CLSTN2: variants seen among roughly 807,000 people sequenced by gnomAD.
CLSTN2 encodes calsyntenin 2.
CLSTN2 carries 48 observed loss-of-function variants against 101.2 expected under a neutral mutation model. That is an observed-to-expected ratio of 0.47 (90% CI 0.38 to 0.60). The LOEUF (loss-of-function observed/expected upper bound fraction) is 0.60. CLSTN2 is among the 20% of genes least tolerant of loss of function. The probability of loss-of-function intolerance (pLI) is 0.00; values close to 1 mark genes in which losing one functional copy is unlikely to be tolerated. For missense variants in CLSTN2, 1,160 were observed against 1,238.2 expected (o/e 0.94, Z 0.95); for synonymous variants, 481 against 463.6 (o/e 1.04, Z -0.48).
At chr3:140,380,701 A>G (rs1427999879) in intron 2 of CLSTN2, among the ~76,000 whole-genome samples, 1 of 152,122 alleles carries the variant, frequency 6.6e-6, no homozygotes, top group African/African-American at 2.4e-5. Context: ...CTCCTCACTC[A>G]TTCAGTAAGC....
intron 1 of CLSTN2, among the ~76,000 whole-genome samples, chr3:140,007,740 C>T (rs1465283012): frequency 1.3e-5 from 2 of 152,162 alleles, no homozygotes; most frequent in Non-Finnish European, 2.9e-5. Context: ...TAAGTACGCT[C>T]CTTGTGTTTG....
intron 9 of CLSTN2, among the ~76,000 whole-genome samples, chr3:140,544,084 A>G (rs896954562): frequency 2.0e-5 from 3 of 152,234 alleles, no homozygotes; most frequent in Admixed American, 6.5e-5. Context: ...CTCTGCTGAT[A>G]TTCAAATCAA....
At chr3:140,135,327 C>T (rs1267316466) in intron 1 of CLSTN2, among the ~76,000 whole-genome samples, 5 of 151,880 alleles carry the variant, frequency 3.3e-5, no homozygotes, top group Non-Finnish European at 5.9e-5. Flanking sequence ...AACACCCTCT[C>T]CCTCTGTTGT....
At chr3:140,381,319 AC>A (rs1469399229) in intron 2 of CLSTN2, among the ~76,000 whole-genome samples, 1 of 151,920 alleles carries the variant, frequency 6.6e-6, no homozygotes, top group Non-Finnish European at 1.5e-5. Flanking sequence ...TAACCTGATT[AC>A]CCCCTATACC....
At chr3:140,121,451 G>C (rs1288550056) in intron 1 of CLSTN2, among the ~76,000 whole-genome samples, 1 of 152,192 alleles carries the variant, frequency 6.6e-6, no homozygotes, top group African/African-American at 2.4e-5. Flanking sequence ...GCATAGAGTA[G>C]ATCTAGAGGT....
intron 9 of CLSTN2, among the ~76,000 whole-genome samples, chr3:140,546,232 C>A (rs61087365): frequency 4.6e-5 from 7 of 152,110 alleles, no homozygotes; most frequent in Admixed American, 3.9e-4. Context: ...TTTTCACTCA[C>A]GAGAGCCCTC....
At chr3:140,192,475 C>T (rs2010581832) in intron 2 of CLSTN2, among the ~76,000 whole-genome samples, 1 of 151,760 alleles carries the variant, frequency 6.6e-6, no homozygotes, top group African/African-American at 2.4e-5. Context: ...TTTTGCAGCT[C>T]TGTTGTTTAG....
rs1985757230 is a variant in CLSTN2, at chr3:140,577,189, C to T, written c.*10936C>T. On this transcript the variant is annotated 3_prime_UTR_variant, in exon 17 of 17. Transcript: ENST00000458420. ...TTGGGCTTCTCCCCATGACTGTGAT[C>T]TTACCCATGTTTGAATCACAAACTT... The T allele has an allele frequency of 6.6e-6, 1 of 152,190 alleles. No individual in the cohort carries two copies. Among genetic ancestry groups the T allele is most frequent in the African/African-American group, 2.4e-5 (1 of 41,436 alleles). The allele number at this position is 152,190 out of a possible 1,614,324, so 9.4% of individuals were successfully genotyped here. A position where few individuals can be genotyped will look rare whatever the true frequency, so the allele number is the denominator to read the frequency against.
At position 140,563,130 on chromosome 3, in the gene CLSTN2, T is replaced by A. The variant is rs201356149; in HGVS notation, c.2409T>A (p.His803Gln). Residue 803 changes from histidine to glutamine, a missense_variant, in exon 15 of 17, where the codon CAT (histidine) becomes CAA (glutamine). His to Gln is a conservative substitution (Grantham distance 24). Transcript: ENST00000458420. ...DQVSDKEHVN[H>Q]LIVQPPFLQS... The stretch of plus-strand genomic sequence containing the variant: ...TCTCAGATAAGGAGCATGTCAATCA[T>A]CTGATTGTGCAGCCTCCCTTCCTCC... The A allele has an allele frequency of 4.0e-5, 65 of 1,614,072 alleles. No individual in the cohort carries two copies. Among genetic ancestry groups the A allele is most frequent in the Middle Eastern group, 1.6e-4 (1 of 6,062 alleles).
At chr3:140,398,883 C>T (rs1295114525) in intron 2 of CLSTN2, among the ~76,000 whole-genome samples, 2 of 152,226 alleles carry the variant, frequency 1.3e-5, no homozygotes, top group East Asian at 3.8e-4. Context: ...CTGCTGGTGT[C>T]TTTCTGCTGA....
chr3:140,510,151 G>C (rs533533075), intron 8 of CLSTN2, among the ~76,000 whole-genome samples: 3 of 152,106 alleles, frequency 2.0e-5, no homozygotes, highest in Non-Finnish European at 4.4e-5. Context: ...AAAAACAATG[G>C]TTATATTAGT....
chr3:140,228,638 A>AC (rs1203026694), intron 2 of CLSTN2, among the ~76,000 whole-genome samples: 1 of 152,208 alleles, frequency 6.6e-6, no homozygotes, highest in African/African-American at 2.4e-5. Context: ...TATACCAGAG[A>AC]CTGGGCAATT....
At chr3:139,943,218 A>G (rs1187462302) in intron 1 of CLSTN2, among the ~76,000 whole-genome samples, 1 of 151,850 alleles carries the variant, frequency 6.6e-6, no homozygotes, top group Non-Finnish European at 1.5e-5. Context: ...AAATATCACA[A>G]CCCATCCTTC....
intron 2 of CLSTN2, among the ~76,000 whole-genome samples, chr3:140,358,155 C>A (rs1034055339): frequency 1.3e-5 from 2 of 152,140 alleles, no homozygotes; most frequent in Non-Finnish European, 2.9e-5. Flanking sequence ...ACTTGGAATT[C>A]TGTGAATCCT....
chr3:140,176,934 C>A (rs1340227604), intron 2 of CLSTN2, among the ~76,000 whole-genome samples: 1 of 152,152 alleles, frequency 6.6e-6, no homozygotes, highest in Non-Finnish European at 1.5e-5. Context: ...CTATTTTTTT[C>A]TGACAGTTTG....
chr3:140,157,347 G>T lies in CLSTN2; in HGVS notation c.110-18604G>T, dbSNP rs140912801. On this transcript the variant is annotated intron_variant, in intron 1 of 16. Transcript: ENST00000458420. ...TTCTTCATATGTCTGGTAGAATTCAGCTGTGAATCCATCTGGTCTGCGGAT... is the reference window on the plus strand; with the variant it reads ...TTCTTCATATGTCTGGTAGAATTCATCTGTGAATCCATCTGGTCTGCGGAT... 9.4e-3 allele frequency among the ~76,000 whole-genome samples: 1,434 copies of T among 152,238 alleles called. 8 individuals are homozygous for T. Among genetic ancestry groups the T allele is most frequent in the Middle Eastern group, 0.034 (10 of 294 alleles).
At chr3:140,510,857 C>T (rs1934800034) in intron 8 of CLSTN2, among the ~76,000 whole-genome samples, 1 of 152,070 alleles carries the variant, frequency 6.6e-6, no homozygotes, top group South Asian at 2.1e-4. Context: ...TTTCCTTCAA[C>T]TTTTATTTTA....
At chr3:140,360,900 A>G (rs1227083463) in intron 2 of CLSTN2, among the ~76,000 whole-genome samples, 1 of 152,226 alleles carries the variant, frequency 6.6e-6, no homozygotes, top group Non-Finnish European at 1.5e-5. Flanking sequence ...TCAGGCCCAG[A>G]TGACTTCACT....
chr3:140,206,608 T>C (rs1294180205), intron 2 of CLSTN2, among the ~76,000 whole-genome samples: 1 of 152,166 alleles, frequency 6.6e-6, no homozygotes, highest in East Asian at 1.9e-4. Flanking sequence ...CCAAAGCAAC[T>C]CTTTAGGGCT....
Sources: gnomAD v4.1 joint callset for allele counts (sites outside exome capture counted in the v4.1 genomes callset) on GRCh38, gnomAD v4.1.1 for gene constraint, MANE v1.5 for transcripts, NCBI Gene and HGNC (gene_info 2026-07-23, HGNC 2026-07-21) for gene names.